The following COL5A2 variants were observed in gnomAD, a reference collection of about 807,000 sequenced individuals.
COL5A2 encodes the protein collagen alpha-2(V) chain.
In COL5A2, 23 loss-of-function variants were observed where a neutral mutation model predicts 208.2. That is an observed-to-expected ratio of 0.11 (90% confidence interval 0.08 to 0.16). The LOEUF (loss-of-function observed/expected upper bound fraction) is 0.16, where lower values mean the gene tolerates loss of function less well. Among genes scored for constraint, COL5A2 ranks in the 10% least tolerant of loss-of-function variants. The pLI is 1.00. For missense variants in COL5A2, 1,590 were observed against 1,956.4 expected (o/e 0.81, Z 3.53); for synonymous variants, 625 against 628.5 (o/e 0.99, Z 0.08).
At chr2:189,433,819 C>T in the COL5A2 span, among the ~76,000 whole-genome samples, 1 of 152,306 alleles carries the variant, frequency 6.6e-6, no homozygotes, top group South Asian at 2.1e-4. Context: ...AGAATCCTCC[C>T]TAACTCATTT....
intron 17 of COL5A2, among the ~76,000 whole-genome samples, chr2:189,074,028 G>A (rs1401156127): frequency 1.3e-5 from 2 of 152,064 alleles, no homozygotes; most frequent in Admixed American, 1.3e-4. Flanking sequence ...ACTATTGCAA[G>A]TAATGGAATT....
the COL5A2 span, among the ~76,000 whole-genome samples, chr2:189,405,454 CT>C: frequency 1.3e-5 from 2 of 152,140 alleles, no homozygotes; most frequent in African/African-American, 4.8e-5. Context: ...CTGGCTCAAA[CT>C]CCTGACCTCA....
At chr2:189,109,433 T>C (rs1687216118) in intron 2 of COL5A2, among the ~76,000 whole-genome samples, 1 of 152,256 alleles carries the variant, frequency 6.6e-6, no homozygotes, top group Admixed American at 6.5e-5. Flanking sequence ...ACCTTTATTG[T>C]ATTTGCTGTT....
At chr2:189,239,868 ATTGTCCCCT>A in the COL5A2 span, among the ~76,000 whole-genome samples, 1 of 152,146 alleles carries the variant, frequency 6.6e-6, no homozygotes, top group African/African-American at 2.4e-5. Context: ...CAAGGAACTG[ATTGTCCCCT>A]AGCATCTCCA....
chr2:189,340,441 T>C, the COL5A2 span, among the ~76,000 whole-genome samples: 1 of 152,198 alleles, frequency 6.6e-6, no homozygotes, highest in African/African-American at 2.4e-5. Context: ...TACAGTATTG[T>C]TTACAACTCC....
chr2:189,064,834 C>T (rs1053521395), intron 24 of COL5A2, among the ~76,000 whole-genome samples, 170 bp downstream of exon 24: 9 of 152,118 alleles, frequency 5.9e-5, no homozygotes, highest in African/African-American at 2.2e-4. Flanking sequence ...CCCCCTATGC[C>T]TCTTAATACA....
At chr2:189,225,953 T>C (rs866599961), upstream of COL5A2, among the ~76,000 whole-genome samples, 39 of 152,182 alleles carry the variant, frequency 2.6e-4, no homozygotes, top group African/African-American at 9.4e-4. Flanking sequence ...CCAGTTCTTC[T>C]ATTATTAAGC....
the COL5A2 span, among the ~76,000 whole-genome samples, chr2:189,435,821 T>C: frequency 6.6e-6 from 1 of 152,192 alleles, no homozygotes; most frequent in Non-Finnish European, 1.5e-5. Flanking sequence ...GCCATCCCAT[T>C]ACTGGGTATA....
chr2:189,110,514 G>A, intron 1 of COL5A2, 65 bp from the exon 2 acceptor site: 1 of 1,483,876 alleles, frequency 6.7e-7, no homozygotes, highest in Non-Finnish European at 9.3e-7. Flanking sequence ...AATAAAAGGT[G>A]AGCCATCTTG....
At chr2:189,396,647 C>T in the COL5A2 span, among the ~76,000 whole-genome samples, 2 of 137,844 alleles carry the variant, frequency 1.5e-5, no homozygotes, top group Admixed American at 7.9e-5. Context: ...GCACTCCAGC[C>T]TGGGTAACAG....
chr2:189,159,001 A>T (rs2105799405), intron 1 of COL5A2, among the ~76,000 whole-genome samples: 1 of 152,332 alleles, frequency 6.6e-6, no homozygotes. Context: ...ACAAATATTT[A>T]TACTCTACGG....
chr2:189,422,516 A>C, the COL5A2 span, among the ~76,000 whole-genome samples: 1 of 152,200 alleles, frequency 6.6e-6, no homozygotes, highest in Non-Finnish European at 1.5e-5. Context: ...AATCAGTCAG[A>C]AAGCATAGTA....
intron 8 of COL5A2, among the ~76,000 whole-genome samples, chr2:189,087,340 C>T (rs180888965): frequency 1.3e-5 from 2 of 151,974 alleles, no homozygotes; most frequent in African/African-American, 4.8e-5. Context: ...TGAAATCGTT[C>T]CACTGAGGCA....
At chr2:189,295,298 A>G in the COL5A2 span, among the ~76,000 whole-genome samples, 1 of 152,226 alleles carries the variant, frequency 6.6e-6, no homozygotes, top group African/African-American at 2.4e-5. Context: ...TTCTGAGTCC[A>G]AATTAACATA....
At chr2:189,041,505 G>A (rs940570775) in intron 50 of COL5A2, 81 bp downstream of exon 50, 21 of 1,106,634 alleles carry the variant, frequency 1.9e-5, no homozygotes, top group South Asian at 1.5e-4. Flanking sequence ...CTTGTCAATC[G>A]GGCTGCACAG....
At chr2:189,319,522 C>T in the COL5A2 span, among the ~76,000 whole-genome samples, 16 of 152,236 alleles carry the variant, frequency 1.1e-4, no homozygotes, top group African/African-American at 3.4e-4. Context: ...GATTATATCC[C>T]GTGCCTGGCT....
intron 35 of COL5A2, among the ~76,000 whole-genome samples, chr2:189,056,471 G>A: frequency 6.6e-6 from 1 of 152,136 alleles, no homozygotes; most frequent in Non-Finnish European, 1.5e-5. Context: ...ATGCTTTGCA[G>A]TTGACCATCC....
At chr2:189,264,588 G>T in the COL5A2 span, among the ~76,000 whole-genome samples, 1 of 152,070 alleles carries the variant, frequency 6.6e-6, no homozygotes, top group Non-Finnish European at 1.5e-5. Flanking sequence ...CAGAATGGTG[G>T]TTAACTCTAG....
rs151268828 is a variant in COL5A2 at position 189,118,102 on chromosome 2, C to T, written c.98-7653G>A. Among the ~76,000 whole-genome samples the T allele has an allele frequency of 2.6e-4, 39 of 151,896 alleles. 1 individual carries two copies. The East Asian group carries it at 7.6e-3, about 29-fold the overall frequency. ...TGAATACAAAATGATATGCTTCAAC[C>T]CTGGGCTATTACCTGATTTTTAGAG... On this transcript the variant is annotated intron_variant, in intron 1 of 53. Coordinates refer to ENST00000374866, the MANE Select transcript of COL5A2 (RefSeq NM_000393.5).
Sources: allele counts gnomAD v4.1 joint callset (sites outside exome capture counted in the v4.1 genomes callset), GRCh38; gene constraint gnomAD v4.1.1; transcripts MANE v1.5; gene names NCBI Gene and HGNC (gene_info 2026-07-23, HGNC 2026-07-21).